Variants in TENT5C observed in about 807,000 individuals in gnomAD.
TENT5C encodes the protein family with sequence similarity 46 member C.
Under a neutral mutation model 22.2 loss-of-function variants are expected in TENT5C, and 5 were observed. The observed-to-expected ratio is 0.22, with a 90% CI of 0.12 to 0.47. The LOEUF is 0.47. Ranked by LOEUF, TENT5C falls within the 20% of genes least tolerant of loss-of-function variation. TENT5C has a pLI of 0.99. For synonymous variants in TENT5C, 199 were observed against 195.4 expected, an observed-to-expected ratio of 1.02 and a Z score of -0.15; for missense variants, 364 against 500.9, an observed-to-expected ratio of 0.73 and a Z score of 2.61.
chr1:117,613,504 C>T (rs754717810), intron 1 of TENT5C, among the ~76,000 whole-genome samples: 8 of 152,152 alleles, frequency 5.3e-5, no homozygotes, highest in Non-Finnish European at 8.8e-5. Context: ...TTGGAGTTGT[C>T]GTTGGTGGGT....
intron 1 of TENT5C, among the ~76,000 whole-genome samples, chr1:117,619,957 C>T (rs1570862188): frequency 6.6e-6 from 1 of 152,188 alleles, no homozygotes; most frequent in East Asian, 1.9e-4. Context: ...TCCTATTTTT[C>T]ACAATGTTTT....
At chr1:117,608,343 T>G (rs758215917) in intron 1 of TENT5C, among the ~76,000 whole-genome samples, 3 of 152,196 alleles carry the variant, frequency 2.0e-5, no homozygotes, top group African/African-American at 4.8e-5. Context: ...TCTTGTACCG[T>G]GAGCACAAGT....
chr1:117,615,812 A>T (rs1014571855), intron 1 of TENT5C, among the ~76,000 whole-genome samples: 1 of 152,228 alleles, frequency 6.6e-6, no homozygotes, highest in African/African-American at 2.4e-5. Flanking sequence ...CTTAACTGGA[A>T]TCTGCACAAA....
intron 1 of TENT5C, among the ~76,000 whole-genome samples, chr1:117,620,318 T>C (rs1436178369): frequency 6.6e-6 from 1 of 152,216 alleles, no homozygotes; most frequent in African/African-American, 2.4e-5. Context: ...TTTAAAAAAA[T>C]TGTTGCTTGT....
In TENT5C at chr1:117,624,321, G is replaced by C. The variant is rs2101080891; in HGVS notation, c.*277G>C. On this transcript the variant is annotated 3_prime_UTR_variant, in exon 2 of 2. Transcript: ENST00000369448. ...TCCAAGATAGACACTAACATGTCAT[G>C]TCCCAAACATTAGCACGTGGGGGTT... 2.3e-6 allele frequency: 1 copy of C among 438,204 alleles called. No homozygotes were observed. Among genetic ancestry groups the C allele is most frequent in the South Asian group, 5.4e-5 (1 of 18,484 alleles). 27.1% of individuals were successfully genotyped at this position (438,204 alleles called of 1,614,324 possible). A position where few individuals can be genotyped will look rare whatever the true frequency, so the allele number is the denominator to read the frequency against.
At position 117,608,386 on chromosome 1, in the gene TENT5C, G is replaced by A. The variant is rs897028243; in HGVS notation, c.-28+2233G>A. On this transcript the variant is annotated intron_variant, in intron 1 of 1. Coordinates refer to ENST00000369448, the MANE Select transcript of TENT5C (RefSeq NM_017709.4). ...GAAATCTCCCGAGTTCCAGAGGCCCGTCCCCCCTCAGCTGTATCTCCCCAT... is the reference window on the plus strand; with the variant it reads ...GAAATCTCCCGAGTTCCAGAGGCCCATCCCCCCTCAGCTGTATCTCCCCAT... Among the ~76,000 whole-genome samples the A allele has an allele frequency of 6.6e-5, 10 of 152,034 alleles. No homozygotes were observed. The South Asian group carries it at 8.3e-4, about 13-fold the overall frequency.
intron 1 of TENT5C, among the ~76,000 whole-genome samples, chr1:117,621,501 C>A (rs1262401910): frequency 6.6e-6 from 1 of 152,080 alleles, no homozygotes; most frequent in Non-Finnish European, 1.5e-5. Context: ...CTCCATGTAC[C>A]CAGCAATGCC....
intron 1 of TENT5C, among the ~76,000 whole-genome samples, chr1:117,620,585 C>T (rs887385308): frequency 6.6e-6 from 1 of 152,162 alleles, no homozygotes; most frequent in Admixed American, 6.5e-5. Flanking sequence ...TTCCCCACCC[C>T]CCTGACCACG....
intron 1 of TENT5C, among the ~76,000 whole-genome samples, chr1:117,607,282 CTTT>C (rs1344161082): frequency 1.3e-5 from 2 of 152,172 alleles, no homozygotes; most frequent in African/African-American, 4.8e-5. Flanking sequence ...CCCCTTCGCC[CTTT>C]TTTGTCCATA....
At position 117,626,413 on chromosome 1, in the gene TENT5C, C is replaced by A. The variant is rs188207719; in HGVS notation, c.*2369C>A. ...CATGGTTGTCTCGGAGTCCCTTCAC[C>A]TGACCTTTTTAGTCAGCTCAGATCT... is the stretch of plus-strand genomic sequence containing the variant. On this transcript the variant is annotated 3_prime_UTR_variant, in exon 2 of 2. Transcript: ENST00000369448. 1 of 247,976 alleles carries A rather than the reference C, an allele frequency of 4.0e-6. No individual in the cohort carries two copies. Among genetic ancestry groups the A allele is most frequent in the African/African-American group, 2.2e-5 (1 of 45,444 alleles). 15.4% of individuals were successfully genotyped at this position (247,976 alleles called of 1,614,324 possible). A position where few individuals can be genotyped will look rare whatever the true frequency, so the allele number is the denominator to read the frequency against.
At chr1:117,607,077 G>A (rs1490240073) in intron 1 of TENT5C, among the ~76,000 whole-genome samples, 3 of 152,202 alleles carry the variant, frequency 2.0e-5, no homozygotes, top group Non-Finnish European at 4.4e-5. Flanking sequence ...TGGGAGGCGA[G>A]TCAGAGGAGG....
At position 117,627,859 on chromosome 1, in the gene TENT5C, T is replaced by C. The variant is rs1654044828; in HGVS notation, c.*3815T>C. ...AAATAAAAGACTGTGTGTGTGTGTG[T>C]GTGTGCGTGTGTGTGTTCAAGTGCC... On this transcript the variant is annotated 3_prime_UTR_variant, in exon 2 of 2. Coordinates refer to ENST00000369448, the MANE Select transcript of TENT5C (RefSeq NM_017709.4). 1.2e-5 allele frequency: 3 copies of C among 247,856 alleles called. No individual in the cohort carries two copies. 15.4% of individuals were successfully genotyped at this position (247,856 alleles called of 1,614,324 possible). A position where few individuals can be genotyped will look rare whatever the true frequency, so the allele number is the denominator to read the frequency against.
rs1487005772 is a variant in TENT5C, at chr1:117,623,667, G to C, written c.799G>C (p.Glu267Gln). Reference protein sequence around the residue: ...PTDQEEIKTLERYMCSRFFID... With the variant: ...PTDQEEIKTLQRYMCSRFFID... ...AGACCAGGAAGAAATCAAAACTCTA[G>C]AGCGCTACATGTGCTCCAGGTTCTT... Residue 267 changes from glutamate to glutamine, a missense_variant, in exon 2 of 2, where the codon GAG (glutamate) becomes CAG (glutamine). Physicochemically the swap from Glu to Gln is conservative, Grantham distance 29. Around this residue, in one of 3 missense-constraint regions of TENT5C, gnomAD observed 303 missense variants for 394.5 expected, o/e 0.77. Transcript: ENST00000369448. 6.2e-7 allele frequency: 1 copy of C among 1,613,844 alleles called. No homozygotes were observed. The highest frequency in any genetic ancestry group is 2.2e-5 in the East Asian group (1 of 44,868).
intron 1 of TENT5C, among the ~76,000 whole-genome samples, chr1:117,613,220 T>C (rs1384661331): frequency 6.6e-6 from 1 of 152,226 alleles, no homozygotes; most frequent in Non-Finnish European, 1.5e-5. Context: ...GTGTAGCACT[T>C]AATGCTGACA....
At chr1:117,616,076 T>C (rs919449997) in intron 1 of TENT5C, among the ~76,000 whole-genome samples, 3 of 152,350 alleles carry the variant, frequency 2.0e-5, no homozygotes, top group Middle Eastern at 3.4e-3. Flanking sequence ...ATGGCAGACC[T>C]TGAGCTTGGT....
intron 1 of TENT5C, among the ~76,000 whole-genome samples, chr1:117,608,111 C>A (rs1653584676): frequency 6.6e-6 from 1 of 151,540 alleles, no homozygotes; most frequent in South Asian, 2.1e-4. Context: ...CAGGAGGCCT[C>A]TAAATTGTTA....
chr1:117,607,915 A>G (rs1653576853), intron 1 of TENT5C, among the ~76,000 whole-genome samples: 1 of 152,138 alleles, frequency 6.6e-6, no homozygotes, highest in South Asian at 2.1e-4. Flanking sequence ...TGATCTCTGG[A>G]GTCAAGCTTA....
At chr1:117,619,151 A>T (rs1349879532) in intron 1 of TENT5C, among the ~76,000 whole-genome samples, 1 of 152,200 alleles carries the variant, frequency 6.6e-6, no homozygotes, top group African/African-American at 2.4e-5. Context: ...TATACTAAGG[A>T]TATAATTCAA....
Position 117,624,114 on chromosome 1 carries a change from T to A in TENT5C, c.*70T>A. On this transcript the variant is annotated 3_prime_UTR_variant, in exon 2 of 2. Coordinates refer to ENST00000369448, the MANE Select transcript of TENT5C (RefSeq NM_017709.4). The stretch of plus-strand genomic sequence containing the variant: ...AGGGCTCTCAGGTAGGGGAGCCTCC[T>A]TCTAGATGTAGGCATTTGGCTTTTA... The A allele has an allele frequency of 7.5e-7, 1 of 1,332,732 alleles. No individual in the cohort carries two copies. Among genetic ancestry groups the A allele is most frequent in the Non-Finnish European group, 1.0e-6 (1 of 979,294 alleles). 82.6% of individuals were successfully genotyped at this position (1,332,732 alleles called of 1,614,324 possible).
Sources: gnomAD v4.1 joint callset for allele counts (sites outside exome capture counted in the v4.1 genomes callset) on GRCh38, gnomAD v4.1.1 for gene constraint, gnomAD v4.1.1 regional missense constraint, MANE v1.5 for transcripts, NCBI Gene and HGNC (gene_info 2026-07-23, HGNC 2026-07-21) for gene names.